The following GTF2F2 variants were observed in gnomAD, a reference collection of about 807,000 sequenced individuals.
GTF2F2 encodes ATP-dependent helicase GTF2F2.
A neutral mutation model predicts 42.2 loss-of-function variants in GTF2F2; 23 were observed. The observed-to-expected ratio is 0.55, with a 90% CI of 0.39 to 0.77. The LOEUF is 0.77. Ranked by LOEUF, GTF2F2 falls within the 30% of genes least tolerant of loss-of-function variation. The probability of loss-of-function intolerance (pLI) is 0.00; values close to 1 mark genes in which losing one functional copy is unlikely to be tolerated. For missense variants in GTF2F2, 261 were observed against 287.2 expected (o/e 0.91, Z 0.66); for synonymous variants, 105 against 100.8 (o/e 1.04, Z -0.25).
At chr13:45,242,803 G>A (rs1875384842) in intron 5 of GTF2F2, among the ~76,000 whole-genome samples, 1 of 152,120 alleles carries the variant, frequency 6.6e-6, no homozygotes. Flanking sequence ...TTGCTATTAT[G>A]TGAGAAATGC....
intron 7 of GTF2F2, among the ~76,000 whole-genome samples, chr13:45,281,275 G>T (rs1009627034): frequency 3.9e-5 from 6 of 152,130 alleles, no homozygotes; most frequent in African/African-American, 1.4e-4. Flanking sequence ...GCATGGGAAG[G>T]CTGCCCACGA....
chr13:45,215,825 G>T (rs1873864463), intron 5 of GTF2F2, among the ~76,000 whole-genome samples: 1 of 151,894 alleles, frequency 6.6e-6, no homozygotes, highest in South Asian at 2.1e-4. Flanking sequence ...CAGTGGTAGA[G>T]ATCACCCTCT....
chr13:45,188,571 C>G (rs1216994786), intron 4 of GTF2F2, among the ~76,000 whole-genome samples: 1 of 152,184 alleles, frequency 6.6e-6, no homozygotes, highest in Non-Finnish European at 1.5e-5. Flanking sequence ...AAGTACTTTA[C>G]ATACAATTCA....
chr13:45,249,825 G>A (rs1875800415), intron 5 of GTF2F2, among the ~76,000 whole-genome samples: 1 of 152,044 alleles, frequency 6.6e-6, no homozygotes, highest in South Asian at 2.1e-4. Context: ...AGGATGGGGG[G>A]CCAAGATTAG....
At chr13:45,182,509 A>T (rs2138157995) in intron 4 of GTF2F2, among the ~76,000 whole-genome samples, 1 of 152,214 alleles carries the variant, frequency 6.6e-6, no homozygotes. Context: ...GGGAAACAGA[A>T]TTATGCCTTT....
intron 1 of GTF2F2, among the ~76,000 whole-genome samples, chr13:45,135,978 T>G (rs926930220): frequency 8.5e-5 from 13 of 152,238 alleles, no homozygotes; most frequent in South Asian, 2.1e-4. Context: ...TTTTCCTTTT[T>G]GGGAATTAAA....
intron 4 of GTF2F2, among the ~76,000 whole-genome samples, chr13:45,184,819 T>C (rs1329156827): frequency 6.6e-6 from 1 of 152,012 alleles, no homozygotes; most frequent in Non-Finnish European, 1.5e-5. Flanking sequence ...AAGGTTGTTA[T>C]TTTCTTTGTT....
At chr13:45,162,506 C>G (rs1271263647) in intron 4 of GTF2F2, among the ~76,000 whole-genome samples, 1 of 152,188 alleles carries the variant, frequency 6.6e-6, no homozygotes, top group Admixed American at 6.5e-5. Flanking sequence ...TTGTGACTGA[C>G]TGCAGAGATT....
chr13:45,236,029 G>C, intron 5 of GTF2F2, among the ~76,000 whole-genome samples: 1 of 152,150 alleles, frequency 6.6e-6, no homozygotes, highest in East Asian at 1.9e-4. Flanking sequence ...GTAGTCTTGT[G>C]CCTGATGCCA....
At chr13:45,195,607 G>A (rs1005308388) in intron 4 of GTF2F2, among the ~76,000 whole-genome samples, 2 of 152,108 alleles carry the variant, frequency 1.3e-5, no homozygotes, top group African/African-American at 4.8e-5. Flanking sequence ...TTGGGAGCTG[G>A]AACAGTGTGA....
At chr13:45,274,345 G>A (rs867091659) in intron 7 of GTF2F2, among the ~76,000 whole-genome samples, 3 of 13,256 alleles carry the variant, frequency 2.3e-4, no homozygotes, top group Non-Finnish European at 4.2e-4. Context: ...TTTTTTTTTT[G>A]AGATGGAGTC....
intron 4 of GTF2F2, among the ~76,000 whole-genome samples, chr13:45,152,087 G>A (rs1870530620): frequency 6.6e-6 from 1 of 151,800 alleles, no homozygotes; most frequent in Non-Finnish European, 1.5e-5. Context: ...GGCTAATTGT[G>A]TGTTTTTAGT....
chr13:45,254,091 G>A (rs1190747830), intron 6 of GTF2F2, among the ~76,000 whole-genome samples: 1 of 150,204 alleles, frequency 6.7e-6, no homozygotes, highest in Non-Finnish European at 1.5e-5. Flanking sequence ...AAAAAAGAAA[G>A]AAGAAGAGTG....
At chr13:45,124,890 A>G (rs1363726610) in intron 1 of GTF2F2, among the ~76,000 whole-genome samples, 1 of 152,152 alleles carries the variant, frequency 6.6e-6, no homozygotes, top group Non-Finnish European at 1.5e-5. Flanking sequence ...ATGTTGGCCA[A>G]GGTGGTCTTG....
At chr13:45,264,311 T>C in intron 6 of GTF2F2, among the ~76,000 whole-genome samples, 1 of 151,828 alleles carries the variant, frequency 6.6e-6, no homozygotes, top group Non-Finnish European at 1.5e-5. Flanking sequence ...TGAGACAGAG[T>C]CACTCTGTTG....
intron 4 of GTF2F2, among the ~76,000 whole-genome samples, chr13:45,154,192 G>C (rs926284335): frequency 2.0e-5 from 3 of 151,618 alleles, no homozygotes; most frequent in Non-Finnish European, 4.4e-5. Context: ...ACTTTTTTTT[G>C]TAGAAAAAAG....
At chr13:45,163,666 A>G (rs971487002) in intron 4 of GTF2F2, among the ~76,000 whole-genome samples, 4 of 152,196 alleles carry the variant, frequency 2.6e-5, no homozygotes, top group African/African-American at 7.2e-5. Context: ...CATTGCCACT[A>G]TTTTTAAAAA....
intron 1 of GTF2F2, among the ~76,000 whole-genome samples, chr13:45,133,969 A>G (rs987872854): frequency 1.3e-5 from 2 of 152,192 alleles, no homozygotes; most frequent in Non-Finnish European, 2.9e-5. Context: ...AAAAGTACTA[A>G]GGAGAGAGCT....
At chr13:45,273,517 G>A in intron 7 of GTF2F2, among the ~76,000 whole-genome samples, 1 of 151,922 alleles carries the variant, frequency 6.6e-6, no homozygotes, top group South Asian at 2.1e-4. Flanking sequence ...ACAAAATTTG[G>A]TATTTATTTA....
Sources: allele counts gnomAD v4.1 joint callset (sites outside exome capture counted in the v4.1 genomes callset), GRCh38; gene constraint gnomAD v4.1.1; transcripts MANE v1.5; gene names NCBI Gene and HGNC (gene_info 2026-07-23, HGNC 2026-07-21).